The following GPR107 variants were observed in gnomAD, a reference collection of about 807,000 sequenced individuals.
GPR107 encodes the protein G protein-coupled receptor 107.
A neutral mutation model predicts 75.5 loss-of-function variants in GPR107; 31 were observed. That is an observed-to-expected ratio of 0.41 (90% CI 0.31 to 0.55). GPR107 has a LOEUF of 0.55. Among genes scored for constraint, GPR107 ranks in the 20% least tolerant of loss-of-function variants. The probability of loss-of-function intolerance (pLI) is 0.26; values close to 1 mark genes in which losing one functional copy is unlikely to be tolerated. For missense variants in GPR107, 572 were observed against 665.7 expected (o/e 0.86, Z 1.55); for synonymous variants, 267 against 251.3 (o/e 1.06, Z -0.59).
chr9:130,123,291 A>G (rs949753846), intron 14 of GPR107, among the ~76,000 whole-genome samples: 8 of 151,988 alleles, frequency 5.3e-5, no homozygotes, highest in Admixed American at 1.3e-4. Context: ...TGCAACTGCC[A>G]TCTCCCAGAT....
At chr9:130,110,066 T>C (rs1258669322) in intron 14 of GPR107, among the ~76,000 whole-genome samples, 1 of 152,192 alleles carries the variant, frequency 6.6e-6, no homozygotes, top group Non-Finnish European at 1.5e-5. Context: ...TCCTCCCTTC[T>C]TTGCGTCCTC....
intron 1 of GPR107, among the ~76,000 whole-genome samples, chr9:130,055,882 T>C (rs1278692402): frequency 1.3e-5 from 2 of 151,714 alleles, no homozygotes; most frequent in Non-Finnish European, 2.9e-5. Flanking sequence ...AGGCTGAGAT[T>C]GCAGTGAGCA....
At chr9:130,087,588 C>T (rs1282727210) in intron 7 of GPR107, among the ~76,000 whole-genome samples, 1 of 151,788 alleles carries the variant, frequency 6.6e-6, no homozygotes, top group East Asian at 1.9e-4. Context: ...ATCACTTGAG[C>T]CCAGGAGTTC....
chr9:130,071,363 A>G (rs1830208453), intron 1 of GPR107, among the ~76,000 whole-genome samples: 1 of 151,716 alleles, frequency 6.6e-6, no homozygotes, highest in African/African-American at 2.4e-5. Context: ...GTTACTGAAT[A>G]TAGCTTTTTA....
intron 1 of GPR107, among the ~76,000 whole-genome samples, chr9:130,064,171 A>G (rs1286503741): frequency 2.1e-5 from 3 of 146,228 alleles, no homozygotes; most frequent in Non-Finnish European, 4.5e-5. Context: ...TATCTGAACT[A>G]TAAAATAGCT....
chr9:130,105,421 T>G (rs1306407995), intron 13 of GPR107, among the ~76,000 whole-genome samples: 2 of 148,000 alleles, frequency 1.4e-5, no homozygotes, highest in Non-Finnish European at 2.9e-5. Flanking sequence ...GCCTGGCTAA[T>G]TTTTTTTGTA....
At chr9:130,057,338 C>T (rs1037038835) in intron 1 of GPR107, among the ~76,000 whole-genome samples, 7 of 151,742 alleles carry the variant, frequency 4.6e-5, no homozygotes, top group African/African-American at 1.7e-4. Flanking sequence ...AGCAAGACCC[C>T]ATCTCAACAA....
chr9:130,125,064 C>A, intron 15 of GPR107, 100 bp downstream of exon 15: 1 of 555,916 alleles, frequency 1.8e-6, no homozygotes, highest in South Asian at 2.2e-5. Context: ...CAAGATGTGC[C>A]ACCTGGAGCT....
intron 14 of GPR107, among the ~76,000 whole-genome samples, chr9:130,111,263 T>C (rs1831294157): frequency 6.6e-6 from 1 of 152,024 alleles, no homozygotes; most frequent in African/African-American, 2.4e-5. Context: ...GCCAGGAGTT[T>C]TAGACCAGCC....
chr9:130,075,495 C>T lies in GPR107; in HGVS notation c.142-141C>T, dbSNP rs143200191. 16 of 538,478 alleles carry T rather than the reference C, an allele frequency of 3.0e-5. No individual in the cohort carries two copies. The East Asian group carries it at 5.2e-4, about 18-fold the overall frequency. 33.4% of individuals were successfully genotyped at this position (538,478 alleles called of 1,614,324 possible). A position where few individuals can be genotyped will look rare whatever the true frequency, so the allele number is the denominator to read the frequency against. On this transcript the variant is annotated intron_variant, in intron 1 of 17. Transcript: ENST00000347136. ...TCCTGACCTCAGGTGATCCACCCGCCTCAGTCTCCCAAAGTGGTGGGATTA... is the reference window on the plus strand; with the variant it reads ...TCCTGACCTCAGGTGATCCACCCGCTTCAGTCTCCCAAAGTGGTGGGATTA...
intron 8 of GPR107, among the ~76,000 whole-genome samples, chr9:130,091,870 G>A (rs10819598): frequency 0.98 from 149,762 of 152,138 alleles, 73,724 homozygotes; most frequent in East Asian, 1. Context: ...TAATTTTTGT[G>A]TTTTTCGTAG....
At chr9:130,062,652 GCCTGCCTGCCTTCCTTCCTTCCTTCCTT>G (rs1490011385) in intron 1 of GPR107, among the ~76,000 whole-genome samples, 2 of 110,940 alleles carry the variant, frequency 1.8e-5, no homozygotes, top group South Asian at 3.1e-4. Flanking sequence ...CTGCCTGCCT[GCCTGCCTGCCTTCCTTCCTTCCTTCCTT>G]CCTTCCTTCC....
intron 14 of GPR107, among the ~76,000 whole-genome samples, chr9:130,110,708 C>T (rs913154250): frequency 2.0e-5 from 3 of 152,204 alleles, no homozygotes; most frequent in African/African-American, 7.2e-5. Flanking sequence ...TCAGGAATGG[C>T]CTGTGCTGGA....
intron 5 of GPR107, among the ~76,000 whole-genome samples, chr9:130,082,290 A>C (rs1045268888): frequency 1.6e-4 from 24 of 152,156 alleles, no homozygotes; most frequent in African/African-American, 4.1e-4. Context: ...ACTGCAGTTA[A>C]AAGCCACACA....
intron 1 of GPR107, 63 bp from the exon 2 acceptor site, chr9:130,075,573 A>G: frequency 1.1e-6 from 1 of 872,302 alleles, no homozygotes; most frequent in Non-Finnish European, 1.9e-6. Context: ...AAGCAAATGA[A>G]TAGGTTAAAT....
chr9:130,098,145 AGTGT>A (rs1175659135), intron 9 of GPR107, among the ~76,000 whole-genome samples: 1 of 152,140 alleles, frequency 6.6e-6, no homozygotes, highest in Admixed American at 6.5e-5. Flanking sequence ...AGCCTCCCTA[AGTGT>A]GGGATTACAG....
chr9:130,061,392 G>C (rs1829920932), intron 1 of GPR107, among the ~76,000 whole-genome samples: 1 of 152,206 alleles, frequency 6.6e-6, no homozygotes, highest in African/African-American at 2.4e-5. Flanking sequence ...AGGCATTTGA[G>C]GGTCTAGGGA....
chr9:130,116,753 T>C (rs1485995368), intron 14 of GPR107, among the ~76,000 whole-genome samples: 1 of 152,164 alleles, frequency 6.6e-6, no homozygotes, highest in Non-Finnish European at 1.5e-5. Flanking sequence ...GAAGTCTTTG[T>C]CAGAGCTAGC....
rs369386093 is a variant in GPR107, at chr9:130,085,941, G to T, written c.565-479G>T. On this transcript the variant is annotated intron_variant, in intron 6 of 17. Coordinates refer to ENST00000347136, the MANE Select transcript of GPR107 (RefSeq NM_020960.5). ...GATTTTTGTATTTTTAGTAGAGATG[G>T]GGTTTCACCTTGTTGGCCAGGCTGG... Among the ~76,000 whole-genome samples, 9 of 151,988 alleles carry T rather than the reference G, an allele frequency of 5.9e-5. No individual in the cohort carries two copies. The South Asian group carries it at 1.9e-3, about 32-fold the overall frequency.
Sources: allele counts gnomAD v4.1 joint callset (sites outside exome capture counted in the v4.1 genomes callset), GRCh38; gene constraint gnomAD v4.1.1; transcripts MANE v1.5; gene names NCBI Gene and HGNC (gene_info 2026-07-23, HGNC 2026-07-21).